RPA3: variants seen among roughly 807,000 people sequenced by gnomAD.
RPA3 encodes replication protein A 14 kDa subunit.
Under a neutral mutation model 13.7 loss-of-function variants are expected in RPA3, and 24 were observed. The ratio of observed to expected loss-of-function variants is 1.75; its 90% CI spans 1.27 to 2.46. The LOEUF (loss-of-function observed/expected upper bound fraction) is 2.46, where lower values mean the gene tolerates loss of function less well. RPA3 is among the 30% of genes most tolerant of loss of function. RPA3 has a pLI of 0.00. For missense variants in RPA3, 183 were observed against 151.0 expected (o/e 1.21, Z -1.11); for synonymous variants, 59 against 51.2 (o/e 1.15, Z -0.65).
intron 4 of RPA3, among the ~76,000 whole-genome samples, chr7:7,662,508 G>A (rs958437343): frequency 6.6e-6 from 1 of 152,162 alleles, no homozygotes; most frequent in South Asian, 2.1e-4. Flanking sequence ...CGTAGTATCC[G>A]GACCGGAGTG....
intron 2 of RPA3, among the ~76,000 whole-genome samples, chr7:7,692,720 C>G (rs1189774576): frequency 6.6e-6 from 1 of 152,166 alleles, no homozygotes; most frequent in Non-Finnish European, 1.5e-5. Context: ...AGTGATTCTC[C>G]TGCCTCAGCC....
chr7:7,690,334 C>T (rs897809196), intron 2 of RPA3, among the ~76,000 whole-genome samples: 2 of 151,666 alleles, frequency 1.3e-5, no homozygotes, highest in African/African-American at 4.8e-5. Flanking sequence ...TATATGTTTC[C>T]TTTTACCATC....
At chr7:7,711,488 G>T (rs1240819733) in intron 2 of RPA3, among the ~76,000 whole-genome samples, 1 of 152,006 alleles carries the variant, frequency 6.6e-6, no homozygotes, top group Non-Finnish European at 1.5e-5. Flanking sequence ...GTACTTCAAG[G>T]ATATTATACT....
chr7:7,680,551 G>T (rs982823879), intron 4 of RPA3, among the ~76,000 whole-genome samples: 3 of 152,014 alleles, frequency 2.0e-5, no homozygotes, highest in African/African-American at 4.8e-5. Flanking sequence ...TAAATGTTAG[G>T]ATTATTTTTT....
intron 2 of RPA3, chr7:7,689,382 A>G: frequency 6.6e-6 from 1 of 152,166 alleles, no homozygotes; most frequent in South Asian, 2.1e-4. Flanking sequence ...GGCAGAGTAA[A>G]AGGAGGAAGC....
intron 2 of RPA3, among the ~76,000 whole-genome samples, chr7:7,704,766 CAAA>C (rs71011001): frequency 8.5e-3 from 151 of 17,792 alleles, no homozygotes; most frequent in African/African-American, 0.031. Context: ...GACTCCATCT[CAAA>C]AAAAAAAAAA....
chr7:7,681,615 A>G (rs1779914620), intron 4 of RPA3, among the ~76,000 whole-genome samples: 1 of 152,156 alleles, frequency 6.6e-6, no homozygotes, highest in African/African-American at 2.4e-5. Context: ...AATGAAGTTG[A>G]AGTAATCCTC....
chr7:7,645,924 C>CGA (rs1785083253), intron 4 of RPA3, among the ~76,000 whole-genome samples: 1 of 151,554 alleles, frequency 6.6e-6, no homozygotes, highest in Non-Finnish European at 1.5e-5. Context: ...CAGGAGAATT[C>CGA]CCTGGACCCC....
chr7:7,712,715 G>C (rs1267276949), intron 2 of RPA3, among the ~76,000 whole-genome samples: 1 of 152,184 alleles, frequency 6.6e-6, no homozygotes, highest in East Asian at 1.9e-4. Context: ...ATGTTGAAGA[G>C]AAGTGTCAAA....
chr7:7,653,222 C>T (rs971900701), intron 4 of RPA3, among the ~76,000 whole-genome samples: 13 of 152,150 alleles, frequency 8.5e-5, no homozygotes, highest in South Asian at 2.1e-4. Flanking sequence ...TATTTACACT[C>T]AAATCAAAAT....
At chr7:7,667,089 G>A (rs1779483062) in intron 4 of RPA3, among the ~76,000 whole-genome samples, 1 of 152,170 alleles carries the variant, frequency 6.6e-6, no homozygotes, top group African/African-American at 2.4e-5. Flanking sequence ...GATTACAGGC[G>A]TCAGCCACTG....
At chr7:7,658,394 TC>T (rs1469303131) in intron 4 of RPA3, among the ~76,000 whole-genome samples, 6 of 152,256 alleles carry the variant, frequency 3.9e-5, no homozygotes, top group African/African-American at 1.4e-4. Context: ...GTGCCAGTTT[TC>T]AAAGGGAATG....
chr7:7,660,440 C>T (rs570016063), intron 4 of RPA3, among the ~76,000 whole-genome samples: 80 of 152,240 alleles, frequency 5.3e-4, no homozygotes, highest in African/African-American at 1.9e-3. Flanking sequence ...TGGCTGGTAC[C>T]TGTTGTTCCT....
Position 7,636,761 on chromosome 7 carries a change from C to T in RPA3, c.*239G>A, listed in dbSNP as rs1040446505. 5 of 407,302 alleles carry T rather than the reference C, an allele frequency of 1.2e-5. No individual in the cohort carries two copies. Among genetic ancestry groups the T allele is most frequent in the East Asian group, 4.5e-5 (1 of 22,042 alleles). The allele number at this position is 407,302 out of a possible 1,614,324, so 25.2% of individuals were successfully genotyped here. A position where few individuals can be genotyped will look rare whatever the true frequency, so the allele number is the denominator to read the frequency against. ...TATTAATAAAATAGAAACTTAGACT[C>T]GGACAACTGCTTTATTCTTGCATCT... is the stretch of plus-strand genomic sequence containing the variant. On this transcript the variant is annotated 3_prime_UTR_variant, in exon 8 of 8. Coordinates refer to ENST00000223129, the MANE Select transcript of RPA3 (RefSeq NM_002947.5).
At chr7:7,658,945 T>G (rs911025390) in intron 4 of RPA3, among the ~76,000 whole-genome samples, 8 of 152,168 alleles carry the variant, frequency 5.3e-5, no homozygotes, top group African/African-American at 1.9e-4. Context: ...TGGACTTTTT[T>G]TGGTTGGTAG....
intron 1 of RPA3, among the ~76,000 whole-genome samples, chr7:7,718,128 T>C (rs567688663): frequency 9.9e-5 from 15 of 152,174 alleles, no homozygotes; most frequent in African/African-American, 3.6e-4. Context: ...TTAGATCAGA[T>C]AAGAAAGTAA....
At chr7:7,715,481 T>C (rs1428231009) in intron 1 of RPA3, among the ~76,000 whole-genome samples, 2 of 152,230 alleles carry the variant, frequency 1.3e-5, no homozygotes, top group South Asian at 2.1e-4. Flanking sequence ...AATGCTTCCA[T>C]GAAATTATAT....
chr7:7,640,252 C>T lies in RPA3; in HGVS notation c.99+68G>A, dbSNP rs28916297. On this transcript the variant is annotated intron_variant, in intron 5 of 7. Coordinates refer to ENST00000223129, the MANE Select transcript of RPA3 (RefSeq NM_002947.5). ...GAGGCTTTCCGTCCTTTTTCATCCC[C>T]CGTTATCCAGGCGGGGTCCCTCCCT... The T allele has an allele frequency of 3.8e-4, 566 of 1,505,348 alleles. 4 individuals are homozygous for T. In the African/African-American group the frequency reaches 7.2e-3, roughly 19 times the overall value. The allele number at this position is 1,505,348 out of a possible 1,614,324, so 93.2% of individuals were successfully genotyped here. A position where few individuals can be genotyped will look rare whatever the true frequency, so the allele number is the denominator to read the frequency against.
chr7:7,656,559 A>T (rs1034098940), intron 4 of RPA3, among the ~76,000 whole-genome samples: 4 of 150,336 alleles, frequency 2.7e-5, no homozygotes, highest in African/African-American at 9.7e-5. Context: ...AAGTGAAAAC[A>T]TGTGGTGTTT....
Sources: allele counts gnomAD v4.1 joint callset (sites outside exome capture counted in the v4.1 genomes callset), GRCh38; gene constraint gnomAD v4.1.1; transcripts MANE v1.5; gene names NCBI Gene and HGNC (gene_info 2026-07-23, HGNC 2026-07-21).